RUVBL1: variants seen among roughly 807,000 people sequenced by gnomAD.
RUVBL1 encodes RuvB like AAA ATPase 1.
In RUVBL1, 4 loss-of-function variants were observed where a neutral mutation model predicts 52.4. The observed-to-expected ratio is 0.08, with a 90% CI of 0.04 to 0.17. The LOEUF (loss-of-function observed/expected upper bound fraction) is 0.17. Ranked by LOEUF, RUVBL1 falls within the 10% of genes least tolerant of loss-of-function variation. RUVBL1 has a pLI of 1.00. For synonymous variants in RUVBL1, 217 were observed against 214.4 expected (o/e 1.01, Z -0.10); for missense variants, 298 against 572.8 (o/e 0.52, Z 4.90).
chr3:128,123,925 G>C, upstream of RUVBL1: 1 of 1,239,114 alleles, frequency 8.1e-7, no homozygotes, highest in Non-Finnish European at 1.0e-6. Flanking sequence ...TAGAGCTCCG[G>C]TCACCCACTT....
intron 3 of RUVBL1, among the ~76,000 whole-genome samples, chr3:128,107,671 C>A (rs1161335238): frequency 2.0e-5 from 3 of 152,280 alleles, no homozygotes; most frequent in African/African-American, 7.2e-5. Flanking sequence ...TTTGGAATAG[C>A]CCCAAAAGAG....
At chr3:128,091,969 C>T (rs1942853005) in intron 8 of RUVBL1, among the ~76,000 whole-genome samples, 1 of 152,212 alleles carries the variant, frequency 6.6e-6, no homozygotes, top group Non-Finnish European at 1.5e-5. Flanking sequence ...ACAGTAAAAA[C>T]ACCTCTCTGG....
At chr3:128,090,231 A>G (rs1942797162) in intron 8 of RUVBL1, among the ~76,000 whole-genome samples, 1 of 152,232 alleles carries the variant, frequency 6.6e-6, no homozygotes, top group South Asian at 2.1e-4. Context: ...GTTAAATCTA[A>G]TGTAAAAAAA....
intron 9 of RUVBL1, among the ~76,000 whole-genome samples, chr3:128,073,637 C>T (rs1026981166): frequency 2.0e-5 from 3 of 152,220 alleles, no homozygotes; most frequent in Non-Finnish European, 4.4e-5. Flanking sequence ...GGCCACATTA[C>T]CCACTCCTTT....
chr3:128,135,634 A>G (rs1456699442), intron 1 of RUVBL1, among the ~76,000 whole-genome samples: 1 of 152,220 alleles, frequency 6.6e-6, no homozygotes, highest in African/African-American at 2.4e-5. Context: ...AGAAATAAAG[A>G]CTTTCTTAGA....
chr3:128,115,427 G>A (rs1943500238), intron 2 of RUVBL1, among the ~76,000 whole-genome samples: 1 of 152,204 alleles, frequency 6.6e-6, no homozygotes, highest in Non-Finnish European at 1.5e-5. Flanking sequence ...GAGTGGAAAT[G>A]CATATGAACC....
intron 8 of RUVBL1, among the ~76,000 whole-genome samples, chr3:128,088,836 T>C (rs971790795): frequency 1.3e-5 from 2 of 152,208 alleles, no homozygotes; most frequent in African/African-American, 2.4e-5. Flanking sequence ...TTAACCCAAA[T>C]TGTTGAGCAT....
intron 1 of RUVBL1, among the ~76,000 whole-genome samples, chr3:128,120,958 G>A (rs1490409231): frequency 6.7e-6 from 1 of 149,698 alleles, no homozygotes; most frequent in African/African-American, 2.5e-5. Flanking sequence ...TCCAGCCTGG[G>A]CGACAGAGCG....
chr3:128,130,047 A>G (rs969769870), intron 1 of RUVBL1, among the ~76,000 whole-genome samples: 6 of 152,224 alleles, frequency 3.9e-5, no homozygotes, highest in Non-Finnish European at 8.8e-5. Context: ...AATTTTTAAA[A>G]AGATTAAAAT....
Position 128,087,948 on chromosome 3 carries a change from T to C in RUVBL1, c.1017-140A>G, listed in dbSNP as rs868669192. ...AGAGCCAGGACCAGAGTAAACAGAC[T>C]AACCTCCAGTGGCATAAAAACAACT... On this transcript the variant is annotated intron_variant, in intron 8 of 10. Transcript: ENST00000322623. 6 of 603,100 alleles carry C rather than the reference T, an allele frequency of 9.9e-6. No homozygotes were observed. The South Asian group carries it at 1.2e-4, about 12-fold the overall frequency. 37.4% of individuals were successfully genotyped at this position (603,100 alleles called of 1,614,324 possible). A position where few individuals can be genotyped will look rare whatever the true frequency, so the allele number is the denominator to read the frequency against.
In RUVBL1 at chr3:128,067,968, G is replaced by T. The variant is rs1942035132; in HGVS notation, c.940-2748C>A. On this transcript the variant is annotated intron_variant, in intron 9 of 9. Coordinates refer to the RUVBL1 transcript ENST00000464873. The surrounding 1 kb of genome is among the most constrained non-coding windows in gnomAD (Gnocchi z 4.1). ...AGCCTCCAATTCCAACTTCTCCCCT[G>T]TGGGCACCCTGCAGGTTGCAAAGCA... 4 of 1,612,544 alleles carry T rather than the reference G, an allele frequency of 2.5e-6. No individual in the cohort carries two copies. The highest frequency in any genetic ancestry group is 3.4e-6 in the Non-Finnish European group (4 of 1,178,842).
chr3:128,101,776 G>A (rs1943113415), intron 4 of RUVBL1, 128 bp from the exon 5 acceptor site: 2 of 864,522 alleles, frequency 2.3e-6, no homozygotes, highest in Admixed American at 3.8e-5. Flanking sequence ...TTTTGCGTTT[G>A]CATGAATACT....
rs1271528896 is a variant in RUVBL1, at chr3:128,069,065, T to C, written c.940-3845A>G. ...CAGTAGAAGTAGAATTCAAGTCACA[T>C]GTAGTTTTTAAAATTTCTAGAAGTC... is the stretch of plus-strand genomic sequence containing the variant. On this transcript the variant is annotated intron_variant, in intron 9 of 9. Coordinates refer to the RUVBL1 transcript ENST00000464873. Among the ~76,000 whole-genome samples the C allele has an allele frequency of 2.0e-5, 3 of 152,226 alleles. No homozygotes were observed. In the East Asian group the frequency reaches 5.8e-4, roughly 29 times the overall value.
chr3:128,087,781 G>T lies in RUVBL1; in HGVS notation c.1044C>A (p.His348Gln). 5 of 1,613,942 alleles carry T rather than the reference G, an allele frequency of 3.1e-6. No homozygotes were observed. The highest frequency in any genetic ancestry group is 4.2e-6 in the Non-Finnish European group (5 of 1,179,910). Residue 348 changes from histidine to glutamine, a missense_variant, in exon 9 of 11, where the codon CAC becomes CAA. Physicochemically the swap from His to Gln is conservative, Grantham distance 24 (BLOSUM62 0). Around this residue, in one of 5 missense-constraint regions of RUVBL1, gnomAD observed 161 missense variants for 298.3 expected, o/e 0.54. Coordinates refer to ENST00000322623, the MANE Select transcript of RUVBL1 (RefSeq NM_003707.3). ...GGTCCAGAAGGTCAAGAGGGATGCC[G>T]TGAGGGGATGTGATGTCCTCAGTGC... Reference protein sequence around the residue: ...IRGTEDITSPHGIPLDLLDRV... With the variant: ...IRGTEDITSPQGIPLDLLDRV...
Position 128,067,958 on chromosome 3 carries a change from C to T in RUVBL1, c.940-2738G>A. 1.2e-6 allele frequency: 2 copies of T among 1,608,192 alleles called. No individual in the cohort carries two copies. The highest frequency in any genetic ancestry group is 1.7e-6 in the Non-Finnish European group (2 of 1,174,854). ...TTTCCCCTTCAGCCTCCAATTCCAA[C>T]TTCTCCCCTGTGGGCACCCTGCAGG... On this transcript the variant is annotated intron_variant, in intron 9 of 9. Transcript: ENST00000464873. This position sits in a 1 kb window ranked among gnomAD's most constrained non-coding sequence, Gnocchi z 4.1.
In RUVBL1 at chr3:128,064,893, T is replaced by G. The variant is rs1211834492; in HGVS notation, c.*319A>C. 6.2e-7 allele frequency: 1 copy of G among 1,607,408 alleles called. No individual in the cohort carries two copies. Among genetic ancestry groups the G allele is most frequent in the Non-Finnish European group, 8.5e-7 (1 of 1,176,054 alleles). ...TGCCAACAGGAATGGAATTTGAAGG[T>G]GCTATCATCGCACTTTTCCATCTGC... On this transcript the variant is annotated 3_prime_UTR_variant, in exon 10 of 10. Transcript: ENST00000464873.
At chr3:128,065,110 C>A in exon 10 of RUVBL1, 3 of 1,472,418 alleles carry the variant, frequency 2.0e-6, no homozygotes, top group Non-Finnish European at 2.9e-6. Context: ...TGTGCAGTCC[C>A]CCACTCTGTG....
chr3:128,113,911 G>A (rs1295891276), intron 2 of RUVBL1, among the ~76,000 whole-genome samples: 1 of 152,202 alleles, frequency 6.6e-6, no homozygotes, highest in Admixed American at 6.5e-5. Context: ...TGAATGGATT[G>A]TTCATTTTAT....
intron 3 of RUVBL1, among the ~76,000 whole-genome samples, chr3:128,112,092 GGGAAACTA>G (rs1304545288): frequency 6.6e-6 from 1 of 152,204 alleles, no homozygotes; most frequent in East Asian, 1.9e-4. Flanking sequence ...GCAGATCTGA[GGGAAACTA>G]GGACTTGCCC....
Sources: allele counts gnomAD v4.1 joint callset (sites outside exome capture counted in the v4.1 genomes callset), GRCh38; gene constraint gnomAD v4.1.1; regional missense constraint gnomAD v4.1.1; non-coding constraint Gnocchi (gnomAD v3.1); transcripts MANE v1.5; gene names NCBI Gene and HGNC (gene_info 2026-07-23, HGNC 2026-07-21).